Variants in EIF4G3 observed in about 807,000 individuals in gnomAD.
EIF4G3 encodes eIF-4-gamma 3.
EIF4G3 carries 34 observed loss-of-function variants against 186.4 expected under a neutral mutation model. That is an observed-to-expected ratio of 0.18 (90% CI 0.14 to 0.24). The LOEUF is 0.24. Among genes scored for constraint, EIF4G3 ranks in the 10% least tolerant of loss-of-function variants. EIF4G3 has a pLI of 1.00. For missense variants in EIF4G3, 1,536 were observed against 1,948.5 expected (o/e 0.79, Z 3.99); for synonymous variants, 673 against 679.5 (o/e 0.99, Z 0.15).
chr1:21,011,599 A>G (rs2087116145), intron 4 of EIF4G3, among the ~76,000 whole-genome samples: 2 of 152,182 alleles, frequency 1.3e-5, no homozygotes, highest in Non-Finnish European at 2.9e-5. Flanking sequence ...ATTACAGTCA[A>G]AATACAAAAT....
intron 15 of EIF4G3, among the ~76,000 whole-genome samples, chr1:20,902,252 C>G (rs554999803): frequency 6.6e-6 from 1 of 152,132 alleles, no homozygotes; most frequent in South Asian, 2.1e-4. Context: ...TTAGTAGAGA[C>G]AGGGTTTCAC....
At chr1:20,889,711 T>C (rs2085371370) in intron 18 of EIF4G3, among the ~76,000 whole-genome samples, 1 of 152,066 alleles carries the variant, frequency 6.6e-6, no homozygotes, top group Non-Finnish European at 1.5e-5. Context: ...AGGATGGTCT[T>C]GATCTCCTGG....
At chr1:20,892,662 G>A (rs914447025) in intron 18 of EIF4G3, 2 of 1,535,984 alleles carry the variant, frequency 1.3e-6, no homozygotes, top group African/African-American at 2.7e-5. Context: ...CATCACCAGT[G>A]GAGGGCAAGT....
At chr1:20,902,178 C>T (rs1572454114) in intron 15 of EIF4G3, among the ~76,000 whole-genome samples, 1 of 152,118 alleles carries the variant, frequency 6.6e-6, no homozygotes, top group African/African-American at 2.4e-5. Flanking sequence ...ATTCTCCTGC[C>T]TCAGCCTCCT....
rs563897639 is a variant in EIF4G3, at chr1:20,867,367, AC to A, written c.2623-2106del. 3.3e-5 allele frequency among the ~76,000 whole-genome samples: 5 copies of A among 152,332 alleles called. No homozygotes were observed. The South Asian group carries it at 1.0e-3, about 32-fold the overall frequency. On this transcript the variant is annotated intron_variant, in intron 20 of 36. Transcript: ENST00000602326. ...TACCTCACTGAACCTCAGCCCCTACACCTGCAGAATGAGATATTCCAAAATG... is the reference window on the plus strand; with the variant it reads ...TACCTCACTGAACCTCAGCCCCTACACTGCAGAATGAGATATTCCAAAATG...
intron 20 of EIF4G3, among the ~76,000 whole-genome samples, chr1:20,873,775 A>G (rs1275823361): frequency 6.7e-6 from 1 of 148,776 alleles, no homozygotes; most frequent in African/African-American, 2.5e-5. Context: ...GGTTTGTTAC[A>G]TAGGTATACA....
chr1:20,943,972 T>TGTGTGTGTGTGTGTG lies in EIF4G3; in HGVS notation c.824-1643_824-1642insCACACACACACACAC, dbSNP rs1558363073. Among the ~76,000 whole-genome samples the TGTGTGTGTGTGTGTG allele has an allele frequency of 2.2e-4, 10 of 44,842 alleles. No individual in the cohort carries two copies. The East Asian group carries it at 2.8e-3, about 13-fold the overall frequency. 29.4% of individuals were successfully genotyped at this position (44,842 alleles called of 152,430 possible). A position where few individuals can be genotyped will look rare whatever the true frequency, so the allele number is the denominator to read the frequency against. On this transcript the variant is annotated intron_variant, in intron 13 of 36. Coordinates refer to ENST00000602326, the MANE Select transcript of EIF4G3 (RefSeq NM_001391906.1). ...TTTCAGGAAAACTTGTCTTTATTTT[T>TGTGTGTGTGTGTGTG]TTTGTGTGTGTGTGTGTGTGTGTGT... is the stretch of plus-strand genomic sequence containing the variant.
intron 4 of EIF4G3, among the ~76,000 whole-genome samples, chr1:21,014,077 G>A (rs185256773): frequency 6.6e-6 from 1 of 152,298 alleles, no homozygotes; most frequent in African/African-American, 2.4e-5. Context: ...GCTGAGGCAA[G>A]AGAATTGCTT....
intron 4 of EIF4G3, among the ~76,000 whole-genome samples, chr1:21,030,250 A>G (rs2092615252): frequency 6.6e-6 from 1 of 152,180 alleles, no homozygotes; most frequent in African/African-American, 2.4e-5. Context: ...TCTCCACCCA[A>G]ATCTCATCTT....
intron 14 of EIF4G3, among the ~76,000 whole-genome samples, chr1:20,933,486 C>T (rs1233851871): frequency 6.6e-6 from 1 of 152,060 alleles, no homozygotes; most frequent in African/African-American, 2.4e-5. Context: ...GAAATCCTGT[C>T]TCTACTAAAA....
intron 6 of EIF4G3, among the ~76,000 whole-genome samples, chr1:20,998,245 ACAC>A (rs2082724861): frequency 8.2e-6 from 1 of 121,342 alleles, no homozygotes; most frequent in Non-Finnish European, 1.9e-5. Context: ...ACACACACAC[ACAC>A]AAGTTTAAGT....
chr1:20,893,788 T>G (rs573955243), intron 17 of EIF4G3, 152 bp from the exon 18 acceptor site: 1 of 769,284 alleles, frequency 1.3e-6, no homozygotes, highest in Non-Finnish European at 1.9e-6. Flanking sequence ...CCATGGCAGC[T>G]TCTCCTGGGC....
chr1:20,894,032 C>T (rs2087038218), intron 17 of EIF4G3, among the ~76,000 whole-genome samples: 1 of 151,878 alleles, frequency 6.6e-6, no homozygotes, highest in Non-Finnish European at 1.5e-5. Context: ...ACGAATCCTG[C>T]TACTGCTCAT....
intron 2 of EIF4G3, among the ~76,000 whole-genome samples, chr1:21,105,960 AG>A (rs1461165639): frequency 2.0e-5 from 3 of 152,134 alleles, no homozygotes; most frequent in African/African-American, 7.2e-5. Flanking sequence ...CTAGCTACCC[AG>A]GAAGCTGAGG....
intron 29 of EIF4G3, among the ~76,000 whole-genome samples, chr1:20,846,878 T>C (rs1432273107): frequency 2.6e-5 from 4 of 152,222 alleles, no homozygotes; most frequent in Admixed American, 6.6e-5. Flanking sequence ...ATATAAAATA[T>C]AGGTATAAGA....
At chr1:20,897,892 T>C (rs1467529602) in intron 16 of EIF4G3, among the ~76,000 whole-genome samples, 1 of 151,300 alleles carries the variant, frequency 6.6e-6, no homozygotes, top group Non-Finnish European at 1.5e-5. Context: ...ATATAAAATA[T>C]AAGTAACATA....
chr1:21,063,266 G>A (rs1453221924), intron 3 of EIF4G3, among the ~76,000 whole-genome samples: 35 of 152,032 alleles, frequency 2.3e-4, no homozygotes, highest in Admixed American at 2.3e-3. Context: ...AAGTAACCAG[G>A]TCTGAGAAGA....
At chr1:20,923,809 C>CTATATATATATATA (rs10587649) in intron 14 of EIF4G3, among the ~76,000 whole-genome samples, 21 of 143,910 alleles carry the variant, frequency 1.5e-4, no homozygotes, top group East Asian at 1.0e-3. Flanking sequence ...TTACCCATCC[C>CTATATATATATATA]TATATATATA....
intron 15 of EIF4G3, among the ~76,000 whole-genome samples, chr1:20,901,629 T>C (rs1040648542): frequency 2.6e-5 from 4 of 152,168 alleles, no homozygotes; most frequent in Non-Finnish European, 4.4e-5. Flanking sequence ...AAGAAACTAG[T>C]TCTATGAATA....
Sources: allele counts gnomAD v4.1 joint callset (sites outside exome capture counted in the v4.1 genomes callset), GRCh38; gene constraint gnomAD v4.1.1; transcripts MANE v1.5; gene names NCBI Gene and HGNC (gene_info 2026-07-23, HGNC 2026-07-21).